Variants in CTNNA1 observed in about 807,000 individuals in gnomAD.
CTNNA1 encodes the protein catenin alpha 1.
In CTNNA1, 37 loss-of-function variants were observed where a neutral mutation model predicts 98.4. The ratio of observed to expected loss-of-function variants is 0.38; its 90% CI spans 0.29 to 0.49. The LOEUF (loss-of-function observed/expected upper bound fraction) is 0.49. Ranked by LOEUF, CTNNA1 falls within the 20% of genes least tolerant of loss-of-function variation. The pLI, the probability that CTNNA1 is intolerant of heterozygous loss-of-function variation, is 0.95. For synonymous variants in CTNNA1, 404 were observed against 413.2 expected (o/e 0.98, Z 0.27); for missense variants, 761 against 1,147.2 (o/e 0.66, Z 4.86).
chr5:138,894,121 G>A (rs1756155711), intron 9 of CTNNA1, among the ~76,000 whole-genome samples: 1 of 151,834 alleles, frequency 6.6e-6, no homozygotes, highest in South Asian at 2.1e-4. Context: ...GTTTTGCCAT[G>A]TTGGCCAGGC....
chr5:138,797,858 T>C (rs1466289473), intron 3 of CTNNA1, among the ~76,000 whole-genome samples: 2 of 145,394 alleles, frequency 1.4e-5, no homozygotes, highest in African/African-American at 2.5e-5. Flanking sequence ...TAAAACAAAA[T>C]GAAACAAAAC....
At chr5:138,924,766 GCCACC>G in intron 12 of CTNNA1, 56 bp downstream of exon 12, 1 of 1,454,548 alleles carries the variant, frequency 6.9e-7, no homozygotes. Context: ...AGTGAGGCAG[GCCACC>G]CCATTAGCCC....
At chr5:138,784,271 T>C (rs1271814057) in intron 3 of CTNNA1, among the ~76,000 whole-genome samples, 2 of 152,220 alleles carry the variant, frequency 1.3e-5, no homozygotes, top group African/African-American at 4.8e-5. Context: ...TGTAGGTTTT[T>C]TAGGTTATTG....
At chr5:138,793,280 C>T (rs956613980) in intron 3 of CTNNA1, among the ~76,000 whole-genome samples, 3 of 152,176 alleles carry the variant, frequency 2.0e-5, no homozygotes, top group African/African-American at 4.8e-5. Flanking sequence ...GTCTTTAGGG[C>T]AGAGGCTATA....
chr5:138,925,465 G>A (rs971781638), intron 13 of CTNNA1, 58 bp downstream of exon 13: 1 of 1,585,518 alleles, frequency 6.3e-7, no homozygotes, highest in East Asian at 2.2e-5. Flanking sequence ...TGCTAAACTT[G>A]AGCAATGCGT....
chr5:138,922,775 G>A (rs1763184903), intron 11 of CTNNA1, among the ~76,000 whole-genome samples: 1 of 152,150 alleles, frequency 6.6e-6, no homozygotes, highest in Non-Finnish European at 1.5e-5. Context: ...CGAGGCTGGG[G>A]CTTTCCTAGA....
At chr5:138,912,747 C>T (rs1321402908) in intron 10 of CTNNA1, among the ~76,000 whole-genome samples, 1 of 137,052 alleles carries the variant, frequency 7.3e-6, no homozygotes, top group Non-Finnish European at 1.6e-5. Context: ...CATGAATTTC[C>T]ATTTTTAAAA....
chr5:138,804,468 A>C (rs1463613069), intron 3 of CTNNA1, among the ~76,000 whole-genome samples: 1 of 152,198 alleles, frequency 6.6e-6, no homozygotes, highest in Non-Finnish European at 1.5e-5. Flanking sequence ...GTTAGTCCTC[A>C]TTCTTACCTG....
chr5:138,923,259 A>G (rs771988217), intron 11 of CTNNA1, among the ~76,000 whole-genome samples: 43 of 152,228 alleles, frequency 2.8e-4, no homozygotes, highest in Non-Finnish European at 5.7e-4. Flanking sequence ...TAGAGTTTAT[A>G]TATTTTAAAA....
At chr5:138,765,891 G>A (rs1007867635) in intron 1 of CTNNA1, among the ~76,000 whole-genome samples, 2 of 145,534 alleles carry the variant, frequency 1.4e-5, no homozygotes, top group African/African-American at 2.6e-5. Context: ...AGAGGTTGCA[G>A]TGAGCCAAGA....
At chr5:138,861,059 G>A (rs912781225) in intron 7 of CTNNA1, among the ~76,000 whole-genome samples, 5 of 151,892 alleles carry the variant, frequency 3.3e-5, no homozygotes, top group Non-Finnish European at 5.9e-5. Context: ...TCACTGTGTC[G>A]CCCAGGCTGA....
chr5:138,799,114 C>A (rs1463302243), intron 3 of CTNNA1, among the ~76,000 whole-genome samples: 1 of 151,898 alleles, frequency 6.6e-6, no homozygotes, highest in Non-Finnish European at 1.5e-5. Context: ...CAAGTAATCC[C>A]CTACCCTCAG....
intron 2 of CTNNA1, chr5:138,782,462 T>C (rs1277022410): frequency 9.4e-6 from 3 of 319,090 alleles, no homozygotes; most frequent in South Asian, 2.5e-5. Flanking sequence ...GTTAGGGTAG[T>C]TCATAAACTG....
intron 7 of CTNNA1, among the ~76,000 whole-genome samples, chr5:138,843,639 T>A (rs1387871393): frequency 6.6e-6 from 1 of 152,110 alleles, no homozygotes; most frequent in African/African-American, 2.4e-5. Flanking sequence ...AGAGCCAGGG[T>A]CATAGGGGTC....
In CTNNA1 at chr5:138,903,841, AAAAATTGTCTGGTGTTCAAAT is replaced by A. The variant is rs1241721041; in HGVS notation, c.1297-501_1297-481del. ...TCTTCATGTTATTTTTTTTTGTTTG[AAAAATTGTCTGGTGTTCAAAT>A]AAAATTCATCTTGCCTTAAATTAAG... is the stretch of plus-strand genomic sequence containing the variant. On this transcript the variant is annotated intron_variant, in intron 9 of 17. Transcript: ENST00000302763. Among the ~76,000 whole-genome samples the A allele has an allele frequency of 2.0e-5, 3 of 151,824 alleles. No homozygotes were observed. In the East Asian group the frequency reaches 5.8e-4, roughly 29 times the overall value.
chr5:138,820,498 A>G (rs1285745816), intron 5 of CTNNA1, among the ~76,000 whole-genome samples: 3 of 152,068 alleles, frequency 2.0e-5, no homozygotes, highest in Non-Finnish European at 2.9e-5. Context: ...GTATGTGTCC[A>G]AGGTGTTGAT....
intron 1 of CTNNA1, among the ~76,000 whole-genome samples, chr5:138,773,499 A>T (rs1336703840): frequency 2.6e-5 from 4 of 152,218 alleles, no homozygotes; most frequent in African/African-American, 7.2e-5. Flanking sequence ...CAAGTGAAGG[A>T]AAAAACAAAA....
chr5:138,919,709 G>A (rs1762515488), intron 11 of CTNNA1, among the ~76,000 whole-genome samples: 1 of 152,196 alleles, frequency 6.6e-6, no homozygotes, highest in South Asian at 2.1e-4. Flanking sequence ...GTCAAAGGTG[G>A]TGGTGTTTTC....
intron 3 of CTNNA1, among the ~76,000 whole-genome samples, chr5:138,794,103 C>T (rs28363390): frequency 4.0e-5 from 6 of 151,016 alleles, no homozygotes; most frequent in East Asian, 1.9e-4. Context: ...CTGCAACCTC[C>T]GCCTCCCGGG....
Sources: allele counts gnomAD v4.1 joint callset (sites outside exome capture counted in the v4.1 genomes callset), GRCh38; gene constraint gnomAD v4.1.1; transcripts MANE v1.5; gene names NCBI Gene and HGNC (gene_info 2026-07-23, HGNC 2026-07-21).